The following NPBWR2 variants were observed in gnomAD, a reference collection of about 807,000 sequenced individuals.
NPBWR2 encodes the protein neuropeptides B/W receptor type 2.
For synonymous variants in NPBWR2, 207 were observed against 223.5 expected, an observed-to-expected ratio of 0.93 and a Z score of 0.66; for missense variants, 390 against 458.2, an observed-to-expected ratio of 0.85 and a Z score of 1.36.
chr20:64,106,913 GGGCT>G lies in NPBWR2; in HGVS notation c.-86_-83del. The G allele has an allele frequency of 6.7e-7, 1 of 1,496,124 alleles. No homozygotes were observed. Among genetic ancestry groups the G allele is most frequent in the Non-Finnish European group, 9.0e-7 (1 of 1,108,230 alleles). The allele number at this position is 1,496,124 out of a possible 1,614,324, so 92.7% of individuals were successfully genotyped here. Reference sequence around the variant, plus strand: ...TGGGTATCTGGTTGGGGGCCTCCTTGGGCTGGATTCTAGGAAAGAAAAACAACCA... The same window carrying G: ...TGGGTATCTGGTTGGGGGCCTCCTTGGGATTCTAGGAAAGAAAAACAACCA... On this transcript the variant is annotated 5_prime_UTR_variant, in exon 2 of 2. Transcript: ENST00000684052. This position sits in a 1 kb window ranked among gnomAD's most constrained non-coding sequence, Gnocchi z 9.5.
rs1980001121 is a variant in NPBWR2 at position 64,105,797 on chromosome 20, GCAT to G, written c.*30_*32del. 8.9e-7 allele frequency: 1 copy of G among 1,122,474 alleles called. No individual in the cohort carries two copies. Among genetic ancestry groups the G allele is most frequent in the Non-Finnish European group, 1.2e-6 (1 of 810,752 alleles). 69.5% of individuals were successfully genotyped at this position (1,122,474 alleles called of 1,614,324 possible). ...TGATGATGATGGGGGGTGATGATGG[GCAT>G]GATGATGGGGGTGATGGTGCCCAGG... On this transcript the variant is annotated 3_prime_UTR_variant, in exon 2 of 2. Coordinates refer to ENST00000684052, the MANE Select transcript of NPBWR2 (RefSeq NM_005286.4).
In NPBWR2 at chr20:64,104,001, C is replaced by T. The variant is rs1478197843; in HGVS notation, c.*1829G>A. Among the ~76,000 whole-genome samples, 2 of 152,108 alleles carry T rather than the reference C, an allele frequency of 1.3e-5. No homozygotes were observed. The highest frequency in any genetic ancestry group is 2.4e-5 in the African/African-American group (1 of 41,410). ...GGTGGGCATACACCCTGGGACACCTCGTGGGGCGGTGAATGGTGGGTCCTG... is the reference window on the plus strand; with the variant it reads ...GGTGGGCATACACCCTGGGACACCTTGTGGGGCGGTGAATGGTGGGTCCTG... On this transcript the variant is annotated 3_prime_UTR_variant, in exon 2 of 2. Coordinates refer to ENST00000684052, the MANE Select transcript of NPBWR2 (RefSeq NM_005286.4).
Position 64,107,118 on chromosome 20 carries a change from C to T in NPBWR2, c.-91-196G>A. 1.9e-6 allele frequency: 1 copy of T among 538,314 alleles called. No homozygotes were observed. Among genetic ancestry groups the T allele is most frequent in the Non-Finnish European group, 3.4e-6 (1 of 293,104 alleles). 33.3% of individuals were successfully genotyped at this position (538,314 alleles called of 1,614,324 possible). On this transcript the variant is annotated intron_variant, in intron 1 of 1. Coordinates refer to ENST00000684052, the MANE Select transcript of NPBWR2 (RefSeq NM_005286.4). This position sits in a 1 kb window ranked among gnomAD's most constrained non-coding sequence, Gnocchi z 6.3. ...TCAGCAGATCAGTTCCCTCCTCCCGCAGAGAGCAGCTGCTGGCCACCCTCC... is the reference window on the plus strand; with the variant it reads ...TCAGCAGATCAGTTCCCTCCTCCCGTAGAGAGCAGCTGCTGGCCACCCTCC...
At position 64,106,486 on chromosome 20, in the gene NPBWR2, G is replaced by A. The variant is rs1980048428; in HGVS notation, c.346C>T (p.Leu116Phe). The A allele has an allele frequency of 9.3e-6, 15 of 1,612,688 alleles. No homozygotes were observed. In the East Asian group the frequency reaches 3.1e-4, roughly 34 times the overall value. Residue 116 changes from leucine to phenylalanine, a missense_variant, in exon 2 of 2, where the codon CTC (leucine) becomes TTC (phenylalanine). Coordinates refer to ENST00000684052, the MANE Select transcript of NPBWR2 (RefSeq NM_005286.4). The surrounding 1 kb of genome is among the most constrained non-coding windows in gnomAD (Gnocchi z 9.5). ...LLQYWPFGEL[L>F]CKLVLAVDHY... ...TCGACGGCCAGCACCAGCTTGCAGA[G>A]CAGCTCCCCGAAGGGCCAGTACTGC...
At position 64,105,751 on chromosome 20, in the gene NPBWR2, T is replaced by G. The variant is rs1979992589; in HGVS notation, c.*79A>C. On this transcript the variant is annotated 3_prime_UTR_variant, in exon 2 of 2. Transcript: ENST00000684052. ...GGGGGGGGTGGGCCTGATGGGGGTG[T>G]GGGCATGATGATGATGGGCGTGATG... 38 of 953,882 alleles carry G rather than the reference T, an allele frequency of 4.0e-5. No homozygotes were observed. Among genetic ancestry groups the G allele is most frequent in the South Asian group, 1.6e-4 (9 of 56,622 alleles). The allele number at this position is 953,882 out of a possible 1,614,324, so 59.1% of individuals were successfully genotyped here.
chr20:64,106,119 C>T lies in NPBWR2; in HGVS notation c.713G>A (p.Arg238Lys). Residue 238 changes from arginine (R) to lysine (K), a missense_variant, in exon 2 of 2, where the codon AGG becomes AAG. Transcript: ENST00000684052. The surrounding 1 kb of genome is among the most constrained non-coding windows in gnomAD (Gnocchi z 9.5). ...ICVLYTDLLR[R>K]LRAVRLRSGA... ...AGAGCGGAGCCGCACGGCCCGCAGCCTGCGCAGGAGGTCTGTGTAGAGCAC... is the reference window on the plus strand; with the variant it reads ...AGAGCGGAGCCGCACGGCCCGCAGCTTGCGCAGGAGGTCTGTGTAGAGCAC... 1 of 1,612,158 alleles carries T rather than the reference C, an allele frequency of 6.2e-7. No homozygotes were observed. The highest frequency in any genetic ancestry group is 8.5e-7 in the Non-Finnish European group (1 of 1,179,802).
In NPBWR2 at chr20:64,106,333, T is replaced by C; in HGVS notation, c.499A>G (p.Ser167Gly). The change falls in exon 2 of 2, where the codon AGC becomes GGC. Residue 167 changes from serine to glycine, a missense_variant. By Grantham distance (56) the Ser-to-Gly change is moderately conservative. Transcript: ENST00000684052. This position sits in a 1 kb window ranked among gnomAD's most constrained non-coding sequence, Gnocchi z 9.5. ...WRTYRGAKVA[S>G]LCVWLGVTVL... ...GTGACGCCCAGCCAGACACACAGGC[T>C]GGCGACCTTCGCCCCCCGGTAGGTG... The C allele has an allele frequency of 6.2e-7, 1 of 1,612,764 alleles. No individual in the cohort carries two copies. Among genetic ancestry groups the C allele is most frequent in the Middle Eastern group, 1.6e-4 (1 of 6,062 alleles).
chr20:64,105,884 G>T lies in NPBWR2; in HGVS notation c.948C>A (p.Tyr316Ter), dbSNP rs758127511. The change falls in exon 2 of 2, where the codon TAC (tyrosine) becomes TAA (stop). Residue 316 changes from tyrosine (Y) to a stop codon, truncating the protein, a stop_gained. Transcript: ENST00000684052. LOFTEE classifies it low-confidence loss of function (END_TRUNC). ...YANSCLNPFL[Y>*]AFLDDNFRKN... Reference sequence around the variant, plus strand: ...TCCGGAAGTTGTCATCTAGAAAGGCGTAGAGGAAGGGGTTCAGGCACGAGT... The same window carrying T: ...TCCGGAAGTTGTCATCTAGAAAGGCTTAGAGGAAGGGGTTCAGGCACGAGT... 4 of 1,605,080 alleles carry T rather than the reference G, an allele frequency of 2.5e-6. No individual in the cohort carries two copies. The highest frequency in any genetic ancestry group is 2.6e-6 in the Non-Finnish European group (3 of 1,175,422).
Position 64,106,670 on chromosome 20 carries a change from C to G in NPBWR2, c.162G>C (p.Gly54=), listed in dbSNP as rs1433276950. 1.9e-6 allele frequency: 3 copies of G among 1,612,830 alleles called. No homozygotes were observed. The highest frequency in any genetic ancestry group is 1.3e-5 in the African/African-American group (1 of 75,022). The change falls in exon 2 of 2, where the codon GGG becomes GGC. Residue 54 remains glycine, a synonymous_variant. Coordinates refer to ENST00000684052, the MANE Select transcript of NPBWR2 (RefSeq NM_005286.4). This position sits in a 1 kb window ranked among gnomAD's most constrained non-coding sequence, Gnocchi z 9.5. ...TGCCAGTCAGCCCCACAGCACAGAT[C>G]CCGGAGTACACGGCGGGCAGGAGCA... ...LYVLLPAVYS[G]ICAVGLTGNT... is the part of the protein sequence containing the mutation.
Position 64,105,769 on chromosome 20 carries a change from G to GGGGT in NPBWR2, c.*60_*61insACCC, listed in dbSNP as rs1979995505. 7.8e-7 allele frequency: 1 copy of GGGGT among 1,288,956 alleles called. No homozygotes were observed. The allele number at this position is 1,288,956 out of a possible 1,614,324, so 79.8% of individuals were successfully genotyped here. ...GGGGGTGTGGGCATGATGATGATGG[G>GGGGT]CGTGATGATGATGGGGGGTGATGAT... On this transcript the variant is annotated 3_prime_UTR_variant, in exon 2 of 2. Coordinates refer to ENST00000684052, the MANE Select transcript of NPBWR2 (RefSeq NM_005286.4).
chr20:64,106,512 A>C lies in NPBWR2; in HGVS notation c.320T>G (p.Leu107Arg). 1.2e-6 allele frequency: 2 copies of C among 1,612,558 alleles called. No individual in the cohort carries two copies. The highest frequency in any genetic ancestry group is 1.1e-5 in the South Asian group (1 of 91,090). ...CAGCTCCCCGAAGGGCCAGTACTGC[A>C]GCAGGTGCTCCGCGATGTTGACGGG... ...VLPVNIAEHL[L>R]QYWPFGELLC... is the part of the protein sequence containing the mutation. The change falls in exon 2 of 2, where the codon CTG (leucine) becomes CGG (arginine). Residue 107 changes from leucine to arginine, a missense_variant. By Grantham distance (102) the Leu-to-Arg change is moderately radical. Coordinates refer to ENST00000684052, the MANE Select transcript of NPBWR2 (RefSeq NM_005286.4). The surrounding 1 kb of genome is among the most constrained non-coding windows in gnomAD (Gnocchi z 9.5).
chr20:64,106,425 G>T lies in NPBWR2; in HGVS notation c.407C>A (p.Ala136Asp). ...CAGGTATCGGTCCACGCTCATCACG[G>T]CTAGGAAGTAGATGCTGGAGAAGAT... is the stretch of plus-strand genomic sequence containing the variant. ...YNIFSSIYFL[A>D]VMSVDRYLVV... The change falls in exon 2 of 2, where the codon GCC becomes GAC. Residue 136 changes from alanine (A) to aspartate (D), a missense_variant. Coordinates refer to ENST00000684052, the MANE Select transcript of NPBWR2 (RefSeq NM_005286.4). This position sits in a 1 kb window ranked among gnomAD's most constrained non-coding sequence, Gnocchi z 9.5. 2 of 1,612,810 alleles carry T rather than the reference G, an allele frequency of 1.2e-6. No homozygotes were observed. Among genetic ancestry groups the T allele is most frequent in the Non-Finnish European group, 8.5e-7 (1 of 1,180,020 alleles).
Position 64,106,056 on chromosome 20 carries a change from G to A in NPBWR2, c.776C>T (p.Thr259Ile). The A allele has an allele frequency of 1.7e-5, 27 of 1,610,460 alleles. No homozygotes were observed. The highest frequency in any genetic ancestry group is 2.3e-5 in the Non-Finnish European group (27 of 1,179,242). Reference protein sequence around the residue: ...KALGKARRKVTVLVLVVLAVC... With the variant: ...KALGKARRKVIVLVLVVLAVC... ...GGCCAGCACGACGAGGACCAGGACG[G>A]TCACCTTCCGCCTGGCCTTGCCTAG... The change falls in exon 2 of 2, where the codon ACC becomes ATC. Residue 259 changes from threonine to isoleucine, a missense_variant. Physicochemically the swap from Thr to Ile is moderately conservative, Grantham distance 89. Coordinates refer to ENST00000684052, the MANE Select transcript of NPBWR2 (RefSeq NM_005286.4). The surrounding 1 kb of genome is among the most constrained non-coding windows in gnomAD (Gnocchi z 9.5).
Position 64,104,988 on chromosome 20 carries a change from T to C in NPBWR2, c.*842A>G, listed in dbSNP as rs1601665465. ...ACACAGCAGCACAGGCCATGGCACA[T>C]GGGCACGGCGGGGCTGGGCCTCCTG... On this transcript the variant is annotated 3_prime_UTR_variant, in exon 2 of 2. Coordinates refer to ENST00000684052, the MANE Select transcript of NPBWR2 (RefSeq NM_005286.4). Among the ~76,000 whole-genome samples, 1 of 152,058 alleles carries C rather than the reference T, an allele frequency of 6.6e-6. No homozygotes were observed. Among genetic ancestry groups the C allele is most frequent in the African/African-American group, 2.4e-5 (1 of 41,388 alleles).
In NPBWR2 at chr20:64,106,239, C is replaced by T. The variant is rs777991334; in HGVS notation, c.593G>A (p.Gly198Glu). 28 of 1,612,654 alleles carry T rather than the reference C, an allele frequency of 1.7e-5. No individual in the cohort carries two copies. Among genetic ancestry groups the T allele is most frequent in the Non-Finnish European group, 2.2e-5 (26 of 1,179,996 alleles). Residue 198 changes from glycine to glutamate, a missense_variant, in exon 2 of 2, where the codon GGG (glycine) becomes GAG (glutamate). Physicochemically the swap from Gly to Glu is moderately conservative, Grantham distance 98 (BLOSUM62 -2). Coordinates refer to ENST00000684052, the MANE Select transcript of NPBWR2 (RefSeq NM_005286.4). The surrounding 1 kb of genome is among the most constrained non-coding windows in gnomAD (Gnocchi z 9.5). ...CTGCTCGGGCCACGGGAAGCTCAGC[C>T]CACAGCTTGGGACCTGCAGCTCGTT... ...YSNELQVPSCGLSFPWPEQVW... is the reference protein window; with the variant it reads ...YSNELQVPSCELSFPWPEQVW...
In NPBWR2 at chr20:64,105,693, G is replaced by GGGGTGGGCGTGATGA; in HGVS notation, c.*136_*137insTCATCACGCCCACCC. On this transcript the variant is annotated 3_prime_UTR_variant, in exon 2 of 2. Transcript: ENST00000684052. ...GATGGGCGTGATGATGGGGGTGGTG[G>GGGGTGGGCGTGATGA]TGGGGGTGATGGTGGGGGTGGTGGT... 1 of 279,648 alleles carries GGGGTGGGCGTGATGA rather than the reference G, an allele frequency of 3.6e-6. No individual in the cohort carries two copies. 17.3% of individuals were successfully genotyped at this position (279,648 alleles called of 1,614,324 possible).
Position 64,105,717 on chromosome 20 carries a change from G to GGGGGCGTGATGA in NPBWR2, c.*112_*113insTCATCACGCCCC. 4.6e-6 allele frequency: 1 copy of GGGGGCGTGATGA among 218,420 alleles called. No homozygotes were observed. The highest frequency in any genetic ancestry group is 7.4e-6 in the Non-Finnish European group (1 of 135,140). 13.5% of individuals were successfully genotyped at this position (218,420 alleles called of 1,614,324 possible). On this transcript the variant is annotated 3_prime_UTR_variant, in exon 2 of 2. Coordinates refer to ENST00000684052, the MANE Select transcript of NPBWR2 (RefSeq NM_005286.4). ...GGTGGGGGTGATGGTGGGGGTGGTG[G>GGGGGCGTGATGA]TGGGGGTGGGGGGGGGTGGGCCTGA...
chr20:64,106,808 C>G lies in NPBWR2; in HGVS notation c.24G>C (p.Glu8Asp). Reference sequence around the variant, plus strand: ...AGAAGGAGCCCCTGCTGTCAAGGGGCTCTGGGTGCCCAGCGGCCTGCATTG... The same window carrying G: ...AGAAGGAGCCCCTGCTGTCAAGGGGGTCTGGGTGCCCAGCGGCCTGCATTG... MQAAGHP[E>D]PLDSRGSFSL... is the part of the protein sequence containing the mutation. The change falls in exon 2 of 2, where the codon GAG becomes GAC. Residue 8 changes from glutamate to aspartate, a missense_variant. Physicochemically the swap from Glu to Asp is conservative, Grantham distance 45. Coordinates refer to ENST00000684052, the MANE Select transcript of NPBWR2 (RefSeq NM_005286.4). This position sits in a 1 kb window ranked among gnomAD's most constrained non-coding sequence, Gnocchi z 9.5. 6.2e-7 allele frequency: 1 copy of G among 1,611,532 alleles called. No individual in the cohort carries two copies. Among genetic ancestry groups the G allele is most frequent in the Non-Finnish European group, 8.5e-7 (1 of 1,178,988 alleles).
At position 64,106,415 on chromosome 20, in the gene NPBWR2, G is replaced by A. The variant is rs201381196; in HGVS notation, c.417C>T (p.Ser139=). 1.5e-5 allele frequency: 24 copies of A among 1,612,788 alleles called. No homozygotes were observed. The highest frequency in any genetic ancestry group is 1.6e-4 in the Middle Eastern group (1 of 6,062). The change falls in exon 2 of 2, where the codon AGC becomes AGT. Residue 139 remains serine (S), a synonymous_variant. Coordinates refer to ENST00000684052, the MANE Select transcript of NPBWR2 (RefSeq NM_005286.4). The surrounding 1 kb of genome is among the most constrained non-coding windows in gnomAD (Gnocchi z 9.5). The part of the protein sequence containing the change: ...FSSIYFLAVM[S]VDRYLVVLAT... ...CCAGCACCACCAGGTATCGGTCCACGCTCATCACGGCTAGGAAGTAGATGC... is the reference window on the plus strand; with the variant it reads ...CCAGCACCACCAGGTATCGGTCCACACTCATCACGGCTAGGAAGTAGATGC...
Sources: gnomAD v4.1 joint callset for allele counts (sites outside exome capture counted in the v4.1 genomes callset) on GRCh38, gnomAD v4.1.1 for gene constraint, Gnocchi (gnomAD v3.1) non-coding constraint, MANE v1.5 for transcripts, NCBI Gene and HGNC (gene_info 2026-07-23, HGNC 2026-07-21) for gene names.